The following COL9A3 variants were observed in gnomAD, a reference collection of about 807,000 sequenced individuals.
COL9A3 encodes collagen type IX alpha 3 chain, also known as collagen alpha-3(IX) chain.
In COL9A3, 82 loss-of-function variants were observed where a neutral mutation model predicts 110.2. That is an observed-to-expected ratio of 0.74 (90% confidence interval 0.62 to 0.89). The LOEUF is 0.89. Ranked by LOEUF, COL9A3 falls within the 40% of genes least tolerant of loss-of-function variation. The pLI is 0.00. For synonymous variants in COL9A3, 494 were observed against 403.8 expected, an observed-to-expected ratio of 1.22 and a Z score of -2.68; for missense variants, 1,066 against 981.3, an observed-to-expected ratio of 1.09 and a Z score of -1.15.
At chr20:62,827,799 G>A in intron 16 of COL9A3, 124 bp from the exon 17 acceptor site, 1 of 973,446 alleles carries the variant, frequency 1.0e-6, no homozygotes, top group South Asian at 1.3e-5. Flanking sequence ...CAGGGTGGTG[G>A]TCGGGGGTGG....
rs376832327 is a variant in COL9A3, at chr20:62,820,935, C to T, written c.310-246C>T. On this transcript the variant is annotated intron_variant, in intron 5 of 31. Coordinates refer to ENST00000649368, the MANE Select transcript of COL9A3 (RefSeq NM_001853.4). ...CCGGGTCACTTCGGTGCCTCTCAGC[C>T]CTGCCTCAGGTTGCACCTTCTTGCA... is the stretch of plus-strand genomic sequence containing the variant. 7.2e-5 allele frequency among the ~76,000 whole-genome samples: 11 copies of T among 152,318 alleles called. 2 individuals are homozygous for T. The East Asian group carries it at 9.7e-4, about 13-fold the overall frequency.
chr20:62,837,279 C>T lies in COL9A3; in HGVS notation c.1786+14C>T, dbSNP rs767222248. On this transcript the variant is annotated intron_variant, in intron 30 of 31. Coordinates refer to ENST00000649368, the MANE Select transcript of COL9A3 (RefSeq NM_001853.4). Reference sequence around the variant, plus strand: ...CCGGGCCCAGAGGTGAGTGTTTGACCCCATGACACGGTCACCCTGCTGTAA... The same window carrying T: ...CCGGGCCCAGAGGTGAGTGTTTGACTCCATGACACGGTCACCCTGCTGTAA... 2.0e-5 allele frequency: 32 copies of T among 1,606,884 alleles called. No homozygotes were observed. The highest frequency in any genetic ancestry group is 2.6e-5 in the Non-Finnish European group (31 of 1,179,482).
chr20:62,821,803 G>A lies in COL9A3; in HGVS notation c.416G>A (p.Gly139Asp). The A allele has an allele frequency of 6.2e-7, 1 of 1,602,168 alleles. No homozygotes were observed. The highest frequency in any genetic ancestry group is 1.1e-5 in the South Asian group (1 of 90,224). Residue 139 changes from glycine (G) to aspartate (D), a missense_variant, in exon 8 of 32, where the codon GGC (glycine) becomes GAC (aspartate). Coordinates refer to ENST00000649368, the MANE Select transcript of COL9A3 (RefSeq NM_001853.4). ...SGPPGGIGLRGPPGPSGLPGL... is the reference protein window; with the variant it reads ...SGPPGGIGLRDPPGPSGLPGL... ...CCCCCAGGTGGGATCGGCCTCCGCG[G>A]CCCCCCGGTGAGTGGCTGTCCCAGA...
At chr20:62,840,417 CT>C (rs2063667810) in intron 31 of COL9A3, 124 bp from the exon 32 acceptor site, 8 of 932,770 alleles carry the variant, frequency 8.6e-6, no homozygotes, top group South Asian at 4.1e-5. Context: ...TCCCCACCCG[CT>C]GTGGCCTCTC....
At chr20:62,819,807 C>T in intron 4 of COL9A3, 122 bp from the exon 5 acceptor site, 2 of 1,097,418 alleles carry the variant, frequency 1.8e-6, no homozygotes, top group Non-Finnish European at 2.8e-6. Context: ...AGGCTGCCAC[C>T]CTAAGGGTCT....
intron 16 of COL9A3, 47 bp from the exon 17 acceptor site, chr20:62,827,876 G>A (rs750408999): frequency 2.2e-5 from 36 of 1,600,200 alleles, no homozygotes; most frequent in Admixed American, 3.3e-5. Context: ...GCGTGAGGCC[G>A]TCTGGGAAGA....
chr20:62,822,474 C>G, intron 9 of COL9A3, 117 bp from the exon 10 acceptor site: 2 of 1,160,148 alleles, frequency 1.7e-6, no homozygotes, highest in Non-Finnish European at 2.6e-6. Flanking sequence ...TGAAGGGTCT[C>G]CAAGTCCCCT....
chr20:62,825,757 AC>A, intron 12 of COL9A3, 59 bp from the exon 13 acceptor site: 6 of 1,519,650 alleles, frequency 3.9e-6, no homozygotes, highest in Non-Finnish European at 5.4e-6. Flanking sequence ...GACTGGAGGC[AC>A]CGAAAGGTGC....
rs1568756846 is a variant in COL9A3 at position 62,828,757 on chromosome 20, T to G, written c.901-7T>G. ...CCCGACGGGCCTTACTCATCCCTTGTCCCCAGGGCATGCCGGGCAAGGACG... is the reference window on the plus strand; with the variant it reads ...CCCGACGGGCCTTACTCATCCCTTGGCCCCAGGGCATGCCGGGCAAGGACG... On this transcript the variant is annotated splice_region_variant and splice_polypyrimidine_tract_variant and intron_variant, in intron 17 of 31. Transcript: ENST00000649368. 1 of 1,612,584 alleles carries G rather than the reference T, an allele frequency of 6.2e-7. No homozygotes were observed. The highest frequency in any genetic ancestry group is 8.5e-7 in the Non-Finnish European group (1 of 1,179,812).
At chr20:62,836,391 G>A (rs2063636203) in intron 28 of COL9A3, 58 bp downstream of exon 28, 4 of 1,614,050 alleles carry the variant, frequency 2.5e-6, no homozygotes, top group East Asian at 4.5e-5. Flanking sequence ...GTTTTTTCCG[G>A]AAGGAAGTTA....
rs758652715 is a variant in COL9A3 at position 62,833,004 on chromosome 20, G to A, written c.1324-16G>A. 4 of 1,613,126 alleles carry A rather than the reference G, an allele frequency of 2.5e-6. No individual in the cohort carries two copies. Among genetic ancestry groups the A allele is most frequent in the Admixed American group, 3.3e-5 (2 of 60,004 alleles). On this transcript the variant is annotated splice_polypyrimidine_tract_variant and intron_variant, in intron 25 of 31. Coordinates refer to ENST00000649368, the MANE Select transcript of COL9A3 (RefSeq NM_001853.4). ...GCATGAACAGCTCTTTTAACTTTGG[G>A]GTGTATCGTTTTCAGGGTATTGCAG... is the stretch of plus-strand genomic sequence containing the variant.
chr20:62,835,987 C>A, intron 27 of COL9A3, 34 bp downstream of exon 27: 2 of 1,614,148 alleles, frequency 1.2e-6, no homozygotes, highest in Non-Finnish European at 1.7e-6. Context: ...ATGACACCAT[C>A]CATGGGCGCC....
At position 62,821,544 on chromosome 20, in the gene COL9A3, AC is replaced by A. The variant is rs1018861523; in HGVS notation, c.369+17del. On this transcript the variant is annotated intron_variant, in intron 7 of 31. Coordinates refer to ENST00000649368, the MANE Select transcript of COL9A3 (RefSeq NM_001853.4). Reference sequence around the variant, plus strand: ...CCTGGACCCCCCGTGAGTACTGACAACCCTTGGGGCCCTGAGCAAGCACGCA... The same window carrying A: ...CCTGGACCCCCCGTGAGTACTGACAACCTTGGGGCCCTGAGCAAGCACGCA... The A allele has an allele frequency of 6.2e-7, 1 of 1,612,080 alleles. No homozygotes were observed. The highest frequency in any genetic ancestry group is 1.1e-5 in the South Asian group (1 of 91,062).
intron 7 of COL9A3, 105 bp from the exon 8 acceptor site, chr20:62,821,652 C>T: frequency 6.5e-7 from 1 of 1,547,162 alleles, no homozygotes; most frequent in Admixed American, 1.7e-5. Flanking sequence ...CTGACCACCC[C>T]ATACTTGGAG....
Position 62,836,532 on chromosome 20 carries a change from G to T in COL9A3, c.1603G>T (p.Glu535Ter). Reference sequence around the variant, plus strand: ...GGAGCTGTGTGGGGGGATGATCAGCGGTAAGTCAGCCACGTGCACCGGCTG... The same window carrying T: ...GGAGCTGTGTGGGGGGATGATCAGCTGTAAGTCAGCCACGTGCACCGGCTG... Reference protein sequence around the residue: ...IRELCGGMISEQIAQLAAHLR... With the variant: ...IRELCGGMIS Residue 535 changes from glutamate (E) to a stop codon, truncating the protein, a stop_gained and splice_region_variant, in exon 29 of 32, where the codon GAA becomes TAA. Transcript: ENST00000649368. LOFTEE classifies it high-confidence loss of function. 6.2e-7 allele frequency: 1 copy of T among 1,609,880 alleles called. No individual in the cohort carries two copies. The highest frequency in any genetic ancestry group is 8.5e-7 in the Non-Finnish European group (1 of 1,178,168).
chr20:62,832,126 T>C, intron 24 of COL9A3, 28 bp from the exon 25 acceptor site: 1 of 1,610,312 alleles, frequency 6.2e-7, no homozygotes, highest in Non-Finnish European at 8.5e-7. Context: ...GCCATTCCTC[T>C]AATCCAGAGC....
intron 1 of COL9A3, 153 bp from the exon 2 acceptor site, chr20:62,817,414 C>A: frequency 1.7e-6 from 1 of 596,546 alleles, no homozygotes; most frequent in Admixed American, 3.5e-5. Context: ...ACACACTGCG[C>A]GGGGGCGCCG....
chr20:62,840,954 C>T lies in COL9A3; in HGVS notation c.*222C>T, dbSNP rs1341646399. ...CTAGCTAATAAACCTGTAAGCCCAGCATTTGAGAGAAGGTAGGGTGTGTAT... is the reference window on the plus strand; with the variant it reads ...CTAGCTAATAAACCTGTAAGCCCAGTATTTGAGAGAAGGTAGGGTGTGTAT... On this transcript the variant is annotated 3_prime_UTR_variant, in exon 32 of 32. Coordinates refer to ENST00000649368, the MANE Select transcript of COL9A3 (RefSeq NM_001853.4). 4.9e-5 allele frequency: 28 copies of T among 574,810 alleles called. No homozygotes were observed. The East Asian group carries it at 8.3e-4, about 17-fold the overall frequency. 35.6% of individuals were successfully genotyped at this position (574,810 alleles called of 1,614,324 possible). A position where few individuals can be genotyped will look rare whatever the true frequency, so the allele number is the denominator to read the frequency against.
At chr20:62,839,263 C>A (rs1449985920) in intron 31 of COL9A3, among the ~76,000 whole-genome samples, 1 of 152,130 alleles carries the variant, frequency 6.6e-6, no homozygotes, top group East Asian at 1.9e-4. Flanking sequence ...TAAGCAGATC[C>A]TCCTGGATCT....
Sources: gnomAD v4.1 joint callset for allele counts (sites outside exome capture counted in the v4.1 genomes callset) on GRCh38, gnomAD v4.1.1 for gene constraint, MANE v1.5 for transcripts, NCBI Gene and HGNC (gene_info 2026-07-23, HGNC 2026-07-21) for gene names.